Variants in CDH2 observed in about 807,000 individuals in gnomAD.
CDH2 encodes the protein cadherin 2, also known as cadherin-2.
CDH2 carries 17 observed loss-of-function variants against 92.0 expected under a neutral mutation model. That is an observed-to-expected ratio of 0.18 (90% CI 0.13 to 0.28). CDH2 has a LOEUF of 0.28. CDH2 is among the 10% of genes least tolerant of loss of function. The pLI is 1.00. For synonymous variants in CDH2, 419 were observed against 415.9 expected (o/e 1.01, Z -0.09); for missense variants, 862 against 1,133.1 (o/e 0.76, Z 3.44).
chr18:27,999,529 A>G (rs2012695143), intron 7 of CDH2, among the ~76,000 whole-genome samples: 1 of 152,084 alleles, frequency 6.6e-6, no homozygotes, highest in African/African-American at 2.4e-5. Flanking sequence ...TATGAAGAGG[A>G]GTAAAGGTGA....
At chr18:28,136,923 C>G (rs1485536372) in intron 2 of CDH2, among the ~76,000 whole-genome samples, 1 of 152,028 alleles carries the variant, frequency 6.6e-6, no homozygotes, top group Non-Finnish European at 1.5e-5. Flanking sequence ...ACAAGCTTCC[C>G]CAGAATAACT....
At position 28,091,249 on chromosome 18, in the gene CDH2, A is replaced by C. The variant is rs891112277; in HGVS notation, c.172+56424T>G. Among the ~76,000 whole-genome samples the C allele has an allele frequency of 5.3e-5, 8 of 152,332 alleles. No homozygotes were observed. The East Asian group carries it at 1.5e-3, about 29-fold the overall frequency. ...AAACCAACTTGAGAGCAAAGGTGAT[A>C]AAACTGTACTTTCTCCTCAATCCCT... is the stretch of plus-strand genomic sequence containing the variant. On this transcript the variant is annotated intron_variant, in intron 2 of 15. Transcript: ENST00000269141.
intron 14 of CDH2, among the ~76,000 whole-genome samples, chr18:27,967,257 G>A (rs1434441287): frequency 6.6e-6 from 1 of 152,130 alleles, no homozygotes; most frequent in East Asian, 1.9e-4. Flanking sequence ...GTATCCTCCG[G>A]CCACAGGGTG....
chr18:28,052,955 C>T (rs558901313), intron 2 of CDH2, among the ~76,000 whole-genome samples: 3 of 152,110 alleles, frequency 2.0e-5, no homozygotes, highest in East Asian at 1.9e-4. Flanking sequence ...AAAATGAGGT[C>T]GTATGGGGGG....
At chr18:28,156,074 C>G (rs1029866225) in intron 1 of CDH2, among the ~76,000 whole-genome samples, 1 of 152,196 alleles carries the variant, frequency 6.6e-6, no homozygotes, top group African/African-American at 2.4e-5. Flanking sequence ...ATGATGTGCT[C>G]TAGACCAGCT....
chr18:28,047,313 A>T (rs1224644922), intron 2 of CDH2, among the ~76,000 whole-genome samples: 1 of 152,226 alleles, frequency 6.6e-6, no homozygotes, highest in Non-Finnish European at 1.5e-5. Context: ...AAGCAAGAAA[A>T]AATATCAAAA....
At chr18:28,137,465 A>G (rs1333672480) in intron 2 of CDH2, among the ~76,000 whole-genome samples, 1 of 152,186 alleles carries the variant, frequency 6.6e-6, no homozygotes, top group African/African-American at 2.4e-5. Flanking sequence ...CTTATAAGTG[A>G]GCAAATCCCA....
intron 2 of CDH2, among the ~76,000 whole-genome samples, chr18:28,133,363 C>T (rs999893595): frequency 1.7e-4 from 26 of 151,470 alleles, no homozygotes; most frequent in Admixed American, 1.6e-3. Flanking sequence ...GCGGGTGGAT[C>T]GTGAGGTCAG....
chr18:28,169,191 T>C (rs770670428), intron 1 of CDH2, among the ~76,000 whole-genome samples: 6 of 152,186 alleles, frequency 3.9e-5, no homozygotes, highest in Non-Finnish European at 7.4e-5. Context: ...TTTCAAGGGT[T>C]TTCTCTGCTG....
intron 15 of CDH2, among the ~76,000 whole-genome samples, chr18:27,962,130 AAT>A (rs1043501077): frequency 2.0e-5 from 3 of 152,160 alleles, no homozygotes; most frequent in African/African-American, 7.2e-5. Flanking sequence ...TATATGTATA[AAT>A]TTCTGCAAAT....
chr18:28,108,798 A>T (rs1300214108), intron 2 of CDH2, among the ~76,000 whole-genome samples: 4 of 151,970 alleles, frequency 2.6e-5, no homozygotes, highest in African/African-American at 9.7e-5. Context: ...AAAGACAGAA[A>T]CAGCTTTCCC....
chr18:28,024,768 CT>C (rs2013505438), intron 2 of CDH2, among the ~76,000 whole-genome samples: 1 of 151,412 alleles, frequency 6.6e-6, no homozygotes, highest in African/African-American at 2.4e-5. Flanking sequence ...AATATAAACA[CT>C]TTAATTCTAA....
chr18:28,123,109 T>C (rs956032092), intron 2 of CDH2, among the ~76,000 whole-genome samples: 5 of 152,154 alleles, frequency 3.3e-5, no homozygotes, highest in African/African-American at 1.2e-4. Context: ...AGAAAGCTGA[T>C]ATCCCAAATA....
intron 15 of CDH2, chr18:27,959,652 A>G (rs551918784): frequency 6.6e-6 from 1 of 152,338 alleles, no homozygotes; most frequent in South Asian, 2.1e-4. Flanking sequence ...TTACTGGCTT[A>G]GGCCTTCTGA....
chr18:28,034,290 C>T (rs752588684), intron 2 of CDH2, among the ~76,000 whole-genome samples: 5 of 151,996 alleles, frequency 3.3e-5, no homozygotes, highest in African/African-American at 9.7e-5. Context: ...AACAAGTACC[C>T]GAGTGAATAT....
intron 2 of CDH2, among the ~76,000 whole-genome samples, 164 bp downstream of exon 2, chr18:28,147,509 T>C (rs1259029998): frequency 6.6e-6 from 1 of 152,170 alleles, no homozygotes; most frequent in Non-Finnish European, 1.5e-5. Flanking sequence ...AAGAGATTCA[T>C]AAGCTCTTCT....
intron 2 of CDH2, among the ~76,000 whole-genome samples, chr18:28,042,430 G>T (rs960507433): frequency 1.3e-5 from 2 of 152,058 alleles, no homozygotes; most frequent in African/African-American, 4.8e-5. Context: ...TACAGTGATG[G>T]TCTTGGTATT....
chr18:28,124,910 TA>T (rs2015651992), intron 2 of CDH2, among the ~76,000 whole-genome samples: 1 of 152,182 alleles, frequency 6.6e-6, no homozygotes, highest in Non-Finnish European at 1.5e-5. Context: ...CATTTTACGA[TA>T]ATTATTTGAA....
intron 2 of CDH2, among the ~76,000 whole-genome samples, chr18:28,121,046 C>T (rs1390990557): frequency 6.6e-5 from 10 of 152,122 alleles, no homozygotes; most frequent in African/African-American, 2.2e-4. Context: ...CACAGTGAAA[C>T]ACTAATGTTA....
Sources: gnomAD v4.1 joint callset for allele counts (sites outside exome capture counted in the v4.1 genomes callset) on GRCh38, gnomAD v4.1.1 for gene constraint, MANE v1.5 for transcripts, NCBI Gene and HGNC (gene_info 2026-07-23, HGNC 2026-07-21) for gene names.